Variants in CAMKMT observed in about 807,000 individuals in gnomAD.
The protein encoded by CAMKMT is calmodulin-lysine N-methyltransferase.
Under a neutral mutation model 48.0 loss-of-function variants are expected in CAMKMT, and 53 were observed. That is an observed-to-expected ratio of 1.10 (90% CI 0.89 to 1.39). The LOEUF is 1.39. Ranked by LOEUF, CAMKMT falls within the 40% of genes most tolerant of loss-of-function variation. The pLI is 0.00. For missense variants in CAMKMT, 428 were observed against 402.7 expected (o/e 1.06, Z -0.54); for synonymous variants, 165 against 152.3 (o/e 1.08, Z -0.61).
intron 3 of CAMKMT, among the ~76,000 whole-genome samples, chr2:44,624,763 G>A (rs1250312043): frequency 6.6e-6 from 1 of 152,082 alleles, no homozygotes; most frequent in African/African-American, 2.4e-5. Flanking sequence ...CTTTGCTATT[G>A]TGAATAGTGC....
intron 3 of CAMKMT, among the ~76,000 whole-genome samples, chr2:44,563,389 T>C (rs1051764291): frequency 6.6e-6 from 1 of 151,814 alleles, no homozygotes; most frequent in Admixed American, 6.6e-5. Flanking sequence ...TTGCCTTATG[T>C]AGATATTACC....
At chr2:44,373,328 G>C (rs1190712302) in intron 2 of CAMKMT, among the ~76,000 whole-genome samples, 2 of 152,012 alleles carry the variant, frequency 1.3e-5, no homozygotes, top group Non-Finnish European at 2.9e-5. Context: ...TCAATCTTAA[G>C]ACTAAAGGAG....
intron 3 of CAMKMT, among the ~76,000 whole-genome samples, chr2:44,470,735 C>T (rs749180952): frequency 1.3e-5 from 2 of 152,098 alleles, no homozygotes; most frequent in Non-Finnish European, 2.9e-5. Context: ...TGCGTATTAT[C>T]TGTCTTTTGA....
At chr2:44,372,069 CA>C (rs1385711473) in intron 1 of CAMKMT, among the ~76,000 whole-genome samples, 2 of 152,262 alleles carry the variant, frequency 1.3e-5, no homozygotes, top group South Asian at 4.1e-4. Context: ...CTCCTAGCTC[CA>C]TAGGTTGTTA....
chr2:44,421,951 G>A (rs930953720), intron 3 of CAMKMT, among the ~76,000 whole-genome samples: 3 of 152,170 alleles, frequency 2.0e-5, no homozygotes, highest in Non-Finnish European at 2.9e-5. Context: ...TGGAAAATGG[G>A]ACTTGGGAAA....
intron 3 of CAMKMT, among the ~76,000 whole-genome samples, chr2:44,563,604 C>T (rs1668445512): frequency 1.3e-5 from 2 of 152,222 alleles, no homozygotes; most frequent in South Asian, 4.1e-4. Context: ...GGTATATCTC[C>T]TAATGCTATC....
chr2:44,704,144 C>G lies in CAMKMT; in HGVS notation c.377-139C>G, dbSNP rs2048870. 730 of 465,854 alleles carry G rather than the reference C, an allele frequency of 1.6e-3. 10 individuals are homozygous for G. The highest frequency in any genetic ancestry group is 0.014 in the African/African-American group (684 of 50,394). The allele number at this position is 465,854 out of a possible 1,614,324, so 28.9% of individuals were successfully genotyped here. On this transcript the variant is annotated intron_variant, in intron 3 of 10. Coordinates refer to ENST00000378494, the MANE Select transcript of CAMKMT (RefSeq NM_024766.5). ...AAAAATAACAACAATAAAAGACACC[C>G]GTGACATGACATATTATAAGTAATA... is the stretch of plus-strand genomic sequence containing the variant.
intron 3 of CAMKMT, among the ~76,000 whole-genome samples, chr2:44,697,211 T>G (rs989102440): frequency 6.6e-6 from 1 of 152,058 alleles, no homozygotes; most frequent in Non-Finnish European, 1.5e-5. Flanking sequence ...TTCTTAAACA[T>G]TTACCTCTCC....
rs772957521 is a variant in CAMKMT, at chr2:44,706,304, A to ACAT, written c.455_456insCAT (p.Glu152delinsAspMet). The ACAT allele has an allele frequency of 6.2e-7, 1 of 1,612,992 alleles. No homozygotes were observed. The highest frequency in any genetic ancestry group is 1.3e-5 in the African/African-American group (1 of 74,736). ...TCTTTCAGGGCCCTTGCTGTGTGTG[A>ACAT]GCTAGGGGGTGGCATGACATGCTTG... On this transcript the variant is annotated protein_altering_variant, in exon 5 of 11. Coordinates refer to ENST00000378494, the MANE Select transcript of CAMKMT (RefSeq NM_024766.5).
At chr2:44,688,390 A>G (rs149015740) in intron 3 of CAMKMT, among the ~76,000 whole-genome samples, 268 of 152,226 alleles carry the variant, frequency 1.8e-3, no homozygotes, top group Non-Finnish European at 2.8e-3. Context: ...CTTCATATCA[A>G]TGAATAATGA....
chr2:44,517,833 A>C (rs1281955289), intron 3 of CAMKMT, among the ~76,000 whole-genome samples: 1 of 152,226 alleles, frequency 6.6e-6, no homozygotes, highest in Non-Finnish European at 1.5e-5. Context: ...AATTTCACTG[A>C]CATGAATAAT....
intron 4 of CAMKMT, among the ~76,000 whole-genome samples, chr2:44,704,681 CAAAA>C (rs1325192887): frequency 3.7e-5 from 3 of 81,322 alleles, no homozygotes; most frequent in Non-Finnish European, 5.2e-5. Context: ...TTGTGAAGGT[CAAAA>C]AAAAAAAAAA....
intron 1 of CAMKMT, among the ~76,000 whole-genome samples, chr2:44,369,532 A>C (rs1414098028): frequency 6.6e-6 from 1 of 152,242 alleles, no homozygotes; most frequent in East Asian, 1.9e-4. Context: ...GAATCCCAGA[A>C]CAACAGAGTG....
intron 6 of CAMKMT, among the ~76,000 whole-genome samples, chr2:44,714,422 C>T (rs1472392901): frequency 6.6e-6 from 1 of 152,184 alleles, no homozygotes; most frequent in African/African-American, 2.4e-5. Context: ...TTGTACAAGT[C>T]CTTCCATGCC....
chr2:44,755,741 C>T (rs1680346636), intron 9 of CAMKMT, among the ~76,000 whole-genome samples: 1 of 152,210 alleles, frequency 6.6e-6, no homozygotes, highest in South Asian at 2.1e-4. Context: ...AACACACTCC[C>T]TCCATCTGAA....
chr2:44,655,389 A>G (rs1376030692), intron 3 of CAMKMT, among the ~76,000 whole-genome samples: 2 of 152,180 alleles, frequency 1.3e-5, no homozygotes, highest in African/African-American at 2.4e-5. Context: ...CAAAGCCTGG[A>G]TGCTTTATTT....
rs371221610 is a variant in CAMKMT at position 44,578,626 on chromosome 2, A to G, written c.377-125657A>G. ...CTGGCCTTTAGCAAAGAACTGAAAC[A>G]CTTTCCTAGTTCTACAAGGCAAATT... On this transcript the variant is annotated intron_variant, in intron 3 of 10. Coordinates refer to ENST00000378494, the MANE Select transcript of CAMKMT (RefSeq NM_024766.5). 2.0e-5 allele frequency among the ~76,000 whole-genome samples: 3 copies of G among 152,326 alleles called. No homozygotes were observed. In the South Asian group the frequency reaches 6.2e-4, roughly 32 times the overall value.
At chr2:44,486,113 T>C (rs1322262164) in intron 3 of CAMKMT, among the ~76,000 whole-genome samples, 1 of 152,082 alleles carries the variant, frequency 6.6e-6, no homozygotes, top group African/African-American at 2.4e-5. Flanking sequence ...TACAGGCCCG[T>C]GCCACCACGC....
chr2:44,707,285 T>C, intron 5 of CAMKMT, 114 bp from the exon 6 acceptor site: 1 of 808,698 alleles, frequency 1.2e-6, no homozygotes, highest in South Asian at 1.6e-5. Flanking sequence ...TTGAAGATTG[T>C]TACAGAGAAA....
Sources: gnomAD v4.1 joint callset for allele counts (sites outside exome capture counted in the v4.1 genomes callset) on GRCh38, gnomAD v4.1.1 for gene constraint, MANE v1.5 for transcripts, NCBI Gene and HGNC (gene_info 2026-07-23, HGNC 2026-07-21) for gene names.